ZSCAN32: variants seen among roughly 807,000 people sequenced by gnomAD.
The protein encoded by ZSCAN32 is zinc finger and SCAN domain containing 32.
Under a neutral mutation model 47.4 loss-of-function variants are expected in ZSCAN32, and 52 were observed. That is an observed-to-expected ratio of 1.10 (90% CI 0.88 to 1.38). The LOEUF is 1.38. Among genes scored for constraint, ZSCAN32 ranks in the 40% most tolerant of loss-of-function variants. The pLI is 0.00. For missense variants in ZSCAN32, 959 were observed against 846.0 expected (o/e 1.13, Z -1.66); for synonymous variants, 346 against 305.7 (o/e 1.13, Z -1.38).
intron 2 of ZSCAN32, among the ~76,000 whole-genome samples, chr16:3,394,078 A>C (rs1365644486): frequency 6.6e-6 from 1 of 152,130 alleles, no homozygotes; most frequent in Non-Finnish European, 1.5e-5. Context: ...GCCTGGCAAC[A>C]AGGTGAAAGA....
chr16:3,385,300 T>A (rs1278787265), intron 5 of ZSCAN32, among the ~76,000 whole-genome samples: 1 of 152,156 alleles, frequency 6.6e-6, no homozygotes, highest in Non-Finnish European at 1.5e-5. Flanking sequence ...CACTCCAGCC[T>A]GATGACAGAG....
rs1472781275 is a variant in ZSCAN32 at position 3,382,143 on chromosome 16, T to C, written c.*709A>G. 3 of 152,236 alleles carry C rather than the reference T, an allele frequency of 2.0e-5. No homozygotes were observed. The highest frequency in any genetic ancestry group is 1.3e-4 in the Admixed American group (2 of 15,280). The allele number at this position is 152,236 out of a possible 1,614,324, so 9.4% of individuals were successfully genotyped here. On this transcript the variant is annotated 3_prime_UTR_variant, in exon 7 of 7. Coordinates refer to ENST00000396852, the MANE Select transcript of ZSCAN32 (RefSeq NM_001284527.2). ...TTAGTAATGTTTATAAATTTGTTTA[T>C]AGTAGTTTGTAAATTATTATCAGAA... is the stretch of plus-strand genomic sequence containing the variant.
At chr16:3,388,611 A>C (rs2032292898) in intron 5 of ZSCAN32, among the ~76,000 whole-genome samples, 1 of 152,192 alleles carries the variant, frequency 6.6e-6, no homozygotes, top group Non-Finnish European at 1.5e-5. Context: ...GCACTAAATT[A>C]ATATTTGTGG....
intron 2 of ZSCAN32, among the ~76,000 whole-genome samples, chr16:3,394,064 G>A (rs1014346311): frequency 6.6e-6 from 1 of 152,062 alleles, no homozygotes; most frequent in South Asian, 2.1e-4. Context: ...GGAGTTCAAG[G>A]CCAGCCTGGC....
At chr16:3,395,234 A>G (rs1049433645) in intron 2 of ZSCAN32, among the ~76,000 whole-genome samples, 1 of 152,148 alleles carries the variant, frequency 6.6e-6, no homozygotes, top group Non-Finnish European at 1.5e-5. Flanking sequence ...GTCCTGAGAA[A>G]TTATATCAAC....
At chr16:3,392,812 C>G (rs1479254394) in intron 3 of ZSCAN32, among the ~76,000 whole-genome samples, 1 of 151,580 alleles carries the variant, frequency 6.6e-6, no homozygotes, top group Non-Finnish European at 1.5e-5. Flanking sequence ...GGCGACAGAG[C>G]AAGACTCCGT....
rs951571679 is a variant in ZSCAN32 at position 3,398,220 on chromosome 16, T to C, written c.-187-476A>G. ...CCCCAATTAAATAACATCACGATTG[T>C]AGAACCTAAGATTGGCCTTTTGAGA... On this transcript the variant is annotated intron_variant, in intron 1 of 6. Transcript: ENST00000396852. 5.3e-5 allele frequency among the ~76,000 whole-genome samples: 8 copies of C among 152,222 alleles called. No homozygotes were observed. The East Asian group carries it at 1.5e-3, about 29-fold the overall frequency.
chr16:3,390,241 G>T (rs1002194139), intron 4 of ZSCAN32, 108 bp from the exon 5 acceptor site: 98 of 1,465,634 alleles, frequency 6.7e-5, no homozygotes, highest in Non-Finnish European at 9.1e-6. Context: ...GGCAAAGGCA[G>T]GGGAGGTCAG....
chr16:3,397,276 C>G lies in ZSCAN32; in HGVS notation c.282G>C (p.Gln94His). 2.5e-6 allele frequency: 4 copies of G among 1,571,224 alleles called. No homozygotes were observed. Among genetic ancestry groups the G allele is most frequent in the Non-Finnish European group, 3.5e-6 (4 of 1,158,124 alleles). ...QFLTILPEEIQTWVREQHPEN... is the reference protein window; with the variant it reads ...QFLTILPEEIHTWVREQHPEN... ...CTGGATGCTGCTCCCTCACCCAGGT[C>G]TGGATCTCCTCTGGCAAGATAGTCA... is the stretch of plus-strand genomic sequence containing the variant. The change falls in exon 2 of 7, where the codon CAG becomes CAC. Residue 94 changes from glutamine (Q) to histidine (H), a missense_variant. Transcript: ENST00000396852.
chr16:3,392,344 A>G (rs1328523663), intron 3 of ZSCAN32, among the ~76,000 whole-genome samples: 1 of 145,148 alleles, frequency 6.9e-6, no homozygotes, highest in Non-Finnish European at 1.5e-5. Flanking sequence ...GGTTAATTTT[A>G]TGTTATGTGA....
chr16:3,383,717 A>C lies in ZSCAN32; in HGVS notation c.1235-6T>G, dbSNP rs957081339. Reference sequence around the variant, plus strand: ...CTCGTTCTTGAACTCAAAACCTGAAAAAAAAAAACCCCACAGAAATACAAT... The same window carrying C: ...CTCGTTCTTGAACTCAAAACCTGAACAAAAAAAACCCCACAGAAATACAAT... On this transcript the variant is annotated splice_polypyrimidine_tract_variant and splice_region_variant and intron_variant, in intron 6 of 6. Coordinates refer to ENST00000396852, the MANE Select transcript of ZSCAN32 (RefSeq NM_001284527.2). 1.3e-6 allele frequency: 2 copies of C among 1,564,440 alleles called. No homozygotes were observed. Among genetic ancestry groups the C allele is most frequent in the Non-Finnish European group, 1.7e-6 (2 of 1,167,128 alleles).
At chr16:3,392,641 C>T (rs1358913806) in intron 3 of ZSCAN32, among the ~76,000 whole-genome samples, 3 of 152,078 alleles carry the variant, frequency 2.0e-5, no homozygotes, top group African/African-American at 7.2e-5. Context: ...TCCTGGCTAA[C>T]ACGATGAAAC....
At chr16:3,387,429 C>G (rs73501933) in intron 5 of ZSCAN32, among the ~76,000 whole-genome samples, 10 of 152,302 alleles carry the variant, frequency 6.6e-5, no homozygotes, top group African/African-American at 2.4e-4. Flanking sequence ...GTTAACACAC[C>G]AAGGTAAGAA....
At chr16:3,396,560 C>G (rs2033385183) in intron 2 of ZSCAN32, among the ~76,000 whole-genome samples, 1 of 152,170 alleles carries the variant, frequency 6.6e-6, no homozygotes, top group African/African-American at 2.4e-5. Context: ...CCAGACTTAC[C>G]CAATTTCAGT....
chr16:3,393,621 T>G (rs2033078457), intron 3 of ZSCAN32, 28 bp downstream of exon 3: 1 of 1,503,294 alleles, frequency 6.7e-7, no homozygotes, highest in African/African-American at 1.4e-5. Flanking sequence ...CTCACCTGCC[T>G]CAGGTGAGGA....
intron 2 of ZSCAN32, among the ~76,000 whole-genome samples, chr16:3,394,271 C>CA (rs1159840901): frequency 2.8e-4 from 42 of 150,516 alleles, no homozygotes; most frequent in Admixed American, 7.3e-4. Flanking sequence ...GTCTCAAAAA[C>CA]AAAAAAAAAC....
chr16:3,394,045 G>A (rs1387819062), intron 2 of ZSCAN32, among the ~76,000 whole-genome samples: 1 of 151,968 alleles, frequency 6.6e-6, no homozygotes, highest in Non-Finnish European at 1.5e-5. Context: ...GGTGGATCAC[G>A]TGAGGTCAGG....
At chr16:3,398,139 T>C (rs1485953945) in intron 1 of ZSCAN32, among the ~76,000 whole-genome samples, 1 of 152,192 alleles carries the variant, frequency 6.6e-6, no homozygotes, top group Non-Finnish European at 1.5e-5. Flanking sequence ...GCCTGAATTC[T>C]GCTAAGATGC....
intron 5 of ZSCAN32, among the ~76,000 whole-genome samples, chr16:3,388,741 T>G (rs1161472544): frequency 6.6e-6 from 1 of 151,602 alleles, no homozygotes; most frequent in Non-Finnish European, 1.5e-5. Context: ...TCAATAAGCC[T>G]AATGTTGTAG....
Sources: gnomAD v4.1 joint callset for allele counts (sites outside exome capture counted in the v4.1 genomes callset) on GRCh38, gnomAD v4.1.1 for gene constraint, MANE v1.5 for transcripts, NCBI Gene and HGNC (gene_info 2026-07-23, HGNC 2026-07-21) for gene names.